TBL1XR1: variants seen among roughly 807,000 people sequenced by gnomAD.
TBL1XR1 encodes F-box-like/WD repeat-containing protein TBL1XR1.
In TBL1XR1, 5 loss-of-function variants were observed where a neutral mutation model predicts 66.9. The observed-to-expected ratio is 0.07, with a 90% CI of 0.04 to 0.16. The LOEUF (loss-of-function observed/expected upper bound fraction) is 0.16. Ranked by LOEUF, TBL1XR1 falls within the 10% of genes least tolerant of loss-of-function variation. TBL1XR1 has a pLI of 1.00. For missense variants in TBL1XR1, 238 were observed against 623.2 expected (o/e 0.38, Z 6.58); for synonymous variants, 210 against 206.0 (o/e 1.02, Z -0.17).
At chr3:177,117,843 G>A (rs1726492702) in intron 1 of TBL1XR1, among the ~76,000 whole-genome samples, 1 of 152,138 alleles carries the variant, frequency 6.6e-6, no homozygotes, top group Non-Finnish European at 1.5e-5. Context: ...CAGTATTAAA[G>A]AGCAGAATGG....
chr3:177,034,707 G>C (rs1042931322), intron 12 of TBL1XR1, among the ~76,000 whole-genome samples: 1 of 151,638 alleles, frequency 6.6e-6, no homozygotes, highest in African/African-American at 2.4e-5. Context: ...ATTTTACAAT[G>C]GAGAACTGAA....
At chr3:177,184,630 C>A (rs973453607) in intron 1 of TBL1XR1, among the ~76,000 whole-genome samples, 1 of 152,022 alleles carries the variant, frequency 6.6e-6, no homozygotes, top group Non-Finnish European at 1.5e-5. Context: ...GGTGAAATCC[C>A]GTCTCTACTA....
intron 15 of TBL1XR1, 35 bp downstream of exon 15, chr3:177,026,338 C>G (rs1314354619): frequency 6.5e-7 from 1 of 1,535,402 alleles, no homozygotes. Context: ...GAATACCCAC[C>G]CACACCCTCT....
intron 1 of TBL1XR1, among the ~76,000 whole-genome samples, chr3:177,102,059 T>C (rs965209606): frequency 6.6e-6 from 1 of 152,242 alleles, no homozygotes; most frequent in African/African-American, 2.4e-5. Flanking sequence ...TCTACCTTTA[T>C]AGAATGCTAA....
chr3:177,047,642 G>T, intron 7 of TBL1XR1, 93 bp from the exon 8 acceptor site: 1 of 1,378,166 alleles, frequency 7.3e-7, no homozygotes, highest in Non-Finnish European at 1.0e-6. Context: ...AGGTACAGAA[G>T]AGAATGAAGA....
At chr3:177,150,716 T>A (rs1169390532) in intron 1 of TBL1XR1, among the ~76,000 whole-genome samples, 1 of 152,220 alleles carries the variant, frequency 6.6e-6, no homozygotes, top group Non-Finnish European at 1.5e-5. Flanking sequence ...ATGTCCTGTG[T>A]AGGCCTCTGT....
At chr3:177,134,286 G>C (rs1420270477) in intron 1 of TBL1XR1, among the ~76,000 whole-genome samples, 2 of 152,092 alleles carry the variant, frequency 1.3e-5, no homozygotes, top group Admixed American at 1.3e-4. Flanking sequence ...TGGAGTCAAG[G>C]AACCAAGAGT....
chr3:177,198,317 A>G (rs1166742366), upstream of TBL1XR1, among the ~76,000 whole-genome samples: 1 of 152,188 alleles, frequency 6.6e-6, no homozygotes, highest in African/African-American at 2.4e-5. Flanking sequence ...GGTATTTATC[A>G]TCTGGTGGGT....
chr3:177,090,487 C>G (rs1722685776), intron 2 of TBL1XR1, among the ~76,000 whole-genome samples: 1 of 145,762 alleles, frequency 6.9e-6, no homozygotes, highest in Admixed American at 7.1e-5. Flanking sequence ...CAAGACCAGC[C>G]TGGTCAACAC....
At chr3:177,054,644 TAATAAA>T (rs1353922809) in intron 3 of TBL1XR1, among the ~76,000 whole-genome samples, 1 of 152,126 alleles carries the variant, frequency 6.6e-6, no homozygotes, top group Non-Finnish European at 1.5e-5. Context: ...AAAACTAAAA[TAATAAA>T]AATAAATTCA....
At chr3:177,130,988 C>A (rs564424202) in intron 1 of TBL1XR1, among the ~76,000 whole-genome samples, 123 of 152,148 alleles carry the variant, frequency 8.1e-4, no homozygotes, top group Non-Finnish European at 1.4e-3. Flanking sequence ...ATAGCAAGAC[C>A]CTGTCTCTAA....
At chr3:177,191,824 C>T (rs1332174118) in intron 1 of TBL1XR1, among the ~76,000 whole-genome samples, 1 of 152,192 alleles carries the variant, frequency 6.6e-6, no homozygotes, top group Admixed American at 6.5e-5. Flanking sequence ...AAAGAGTTTG[C>T]CTGGCACGGT....
intron 4 of TBL1XR1, among the ~76,000 whole-genome samples, 161 bp downstream of exon 4, chr3:177,053,612 C>T (rs898161373): frequency 4.6e-5 from 7 of 152,206 alleles, no homozygotes; most frequent in Non-Finnish European, 8.8e-5. Context: ...GGCGCCAACA[C>T]CTTGCCGGTG....
rs1422100190 is a variant in TBL1XR1, at chr3:177,050,656, C to G, written c.428-46G>C. ...AAGCATTTCCAGTTAGGCAGTATTA[C>G]AACATGGTGGATGGGTGATTTCTTA... is the stretch of plus-strand genomic sequence containing the variant. On this transcript the variant is annotated intron_variant, in intron 5 of 15. Transcript: ENST00000457928. The G allele has an allele frequency of 4.4e-6, 7 of 1,608,310 alleles. No individual in the cohort carries two copies. The South Asian group carries it at 7.7e-5, about 18-fold the overall frequency.
At chr3:177,189,447 G>A (rs1431226695) in intron 1 of TBL1XR1, among the ~76,000 whole-genome samples, 13 of 151,836 alleles carry the variant, frequency 8.6e-5, no homozygotes, top group Admixed American at 7.2e-4. Context: ...GAAGTCAAGA[G>A]TTCAAGACCA....
chr3:177,114,227 A>G (rs568760283), intron 1 of TBL1XR1, among the ~76,000 whole-genome samples: 19 of 151,752 alleles, frequency 1.3e-4, no homozygotes, highest in African/African-American at 4.6e-4. Context: ...ATATATATAC[A>G]TACACATCAT....
chr3:177,034,777 G>A (rs1692648758), intron 12 of TBL1XR1, among the ~76,000 whole-genome samples: 1 of 150,452 alleles, frequency 6.6e-6, no homozygotes, highest in Non-Finnish European at 1.5e-5. Flanking sequence ...AGTAGCATAG[G>A]AAATAAAGCT....
At chr3:177,078,074 ATG>A (rs1720909310) in intron 2 of TBL1XR1, among the ~76,000 whole-genome samples, 1 of 152,206 alleles carries the variant, frequency 6.6e-6, no homozygotes, top group South Asian at 2.1e-4. Context: ...TAACATTATT[ATG>A]ATGTCACCTT....
chr3:177,193,155 A>T (rs905274177), intron 1 of TBL1XR1, among the ~76,000 whole-genome samples: 1 of 151,948 alleles, frequency 6.6e-6, no homozygotes, highest in Admixed American at 6.6e-5. Flanking sequence ...TCCGTCTCAA[A>T]AAAATAAAAT....
Sources: allele counts gnomAD v4.1 joint callset (sites outside exome capture counted in the v4.1 genomes callset), GRCh38; gene constraint gnomAD v4.1.1; transcripts MANE v1.5; gene names NCBI Gene and HGNC (gene_info 2026-07-23, HGNC 2026-07-21).